ROBO2: variants seen among roughly 807,000 people sequenced by gnomAD.
ROBO2 encodes roundabout homolog 2.
ROBO2 carries 53 observed loss-of-function variants against 160.8 expected under a neutral mutation model. The ratio of observed to expected loss-of-function variants is 0.33; its 90% confidence interval spans 0.26 to 0.41. ROBO2 has a LOEUF of 0.41. ROBO2 is among the 10% of genes least tolerant of loss of function. The pLI, the probability that ROBO2 is intolerant of heterozygous loss-of-function variation, is 1.00. For missense variants in ROBO2, 1,577 were observed against 1,722.4 expected, an observed-to-expected ratio of 0.92 and a Z score of 1.49; for synonymous variants, 664 against 611.7, an observed-to-expected ratio of 1.09 and a Z score of -1.26.
chr3:76,476,380 G>A (rs969065442), intron 2 of ROBO2, among the ~76,000 whole-genome samples: 1 of 151,904 alleles, frequency 6.6e-6, no homozygotes, highest in Non-Finnish European at 1.5e-5. Context: ...TTATGGATCT[G>A]TCCCTGGCAG....
At chr3:77,457,208 A>G (rs1396379614) in intron 2 of ROBO2, among the ~76,000 whole-genome samples, 1 of 152,138 alleles carries the variant, frequency 6.6e-6, no homozygotes, top group African/African-American at 2.4e-5. Flanking sequence ...AGGCATTCAG[A>G]GAGTGGAAGA....
At chr3:76,147,396 A>G (rs2071953856) in intron 2 of ROBO2, among the ~76,000 whole-genome samples, 2 of 151,798 alleles carry the variant, frequency 1.3e-5, no homozygotes, top group Admixed American at 1.3e-4. Context: ...TATTAATTTT[A>G]ATAAGTAAAG....
At chr3:77,275,839 A>G (rs34893557) in intron 2 of ROBO2, among the ~76,000 whole-genome samples, 7,793 of 152,218 alleles carry the variant, frequency 0.051, 226 homozygotes, top group Admixed American at 0.082. Flanking sequence ...TAATTTAGTT[A>G]TAGATGAAAT....
chr3:76,908,076 G>C (rs2075735546), intron 2 of ROBO2, among the ~76,000 whole-genome samples: 1 of 152,078 alleles, frequency 6.6e-6, no homozygotes, highest in Admixed American at 6.5e-5. Flanking sequence ...CTGACCTCAA[G>C]TGATCTGCCC....
At chr3:76,967,047 T>G (rs2059331751) in intron 2 of ROBO2, among the ~76,000 whole-genome samples, 1 of 152,162 alleles carries the variant, frequency 6.6e-6, no homozygotes, top group African/African-American at 2.4e-5. Context: ...CTGGGCATAT[T>G]GTATACAATC....
chr3:76,882,108 G>GTGTT (rs1553676851), intron 2 of ROBO2, among the ~76,000 whole-genome samples: 1,726 of 134,700 alleles, frequency 0.013, 17 homozygotes, highest in African/African-American at 0.04. Context: ...GTGTGTGTGT[G>GTGTT]TGTGTCTGTG....
intron 2 of ROBO2, among the ~76,000 whole-genome samples, chr3:76,307,544 G>A (rs1055343351): frequency 6.7e-6 from 1 of 148,730 alleles, no homozygotes; most frequent in Non-Finnish European, 1.5e-5. Context: ...CCCATTTATA[G>A]ACCTCTGTGC....
At chr3:76,702,555 GAA>G (rs2093068551) in intron 2 of ROBO2, among the ~76,000 whole-genome samples, 1 of 151,540 alleles carries the variant, frequency 6.6e-6, no homozygotes, top group African/African-American at 2.4e-5. Flanking sequence ...AATAGACAGA[GAA>G]AGAGAGAGAA....
chr3:76,376,544 G>T (rs2076353639), intron 2 of ROBO2, among the ~76,000 whole-genome samples: 1 of 152,086 alleles, frequency 6.6e-6, no homozygotes, highest in African/African-American at 2.4e-5. Context: ...AGAATCAGTG[G>T]TGATCCATTA....
intron 2 of ROBO2, among the ~76,000 whole-genome samples, chr3:76,218,064 G>T (rs528108457): frequency 6.6e-6 from 1 of 152,024 alleles, no homozygotes; most frequent in Non-Finnish European, 1.5e-5. Context: ...ACAAAAACCA[G>T]ATGATTATCT....
At position 76,967,511 on chromosome 3, in the gene ROBO2, CTTTTTTTT is replaced by C. The variant is rs59372235; in HGVS notation, c.110-130481_110-130474del. Among the ~76,000 whole-genome samples the C allele has an allele frequency of 2.6e-3, 144 of 55,390 alleles. 1 individual carries two copies. Among genetic ancestry groups the C allele is most frequent in the African/African-American group, 0.012 (133 of 11,532 alleles). The allele number at this position is 55,390 out of a possible 152,430, so 36.3% of individuals were successfully genotyped here. The stretch of plus-strand genomic sequence containing the variant: ...CATAAGCCACCGCACCTGGCCAGCT[CTTTTTTTT>C]TTTTTTTTTTTTTTTTTTTTTAAAC... On this transcript the variant is annotated intron_variant, in intron 2 of 26. Coordinates refer to the ROBO2 transcript ENST00000487694.
intron 2 of ROBO2, among the ~76,000 whole-genome samples, chr3:76,986,088 T>C (rs2060364487): frequency 6.6e-6 from 1 of 152,214 alleles, no homozygotes; most frequent in Non-Finnish European, 1.5e-5. Flanking sequence ...ACTTCATATG[T>C]TATGTGTATT....
At chr3:76,422,940 G>A (rs1281891901) in intron 2 of ROBO2, among the ~76,000 whole-genome samples, 2 of 152,092 alleles carry the variant, frequency 1.3e-5, no homozygotes, top group Non-Finnish European at 2.9e-5. Flanking sequence ...TTTTACTAAA[G>A]ATGCATGATG....
At chr3:77,444,549 A>G (rs1394843227) in intron 2 of ROBO2, among the ~76,000 whole-genome samples, 2 of 152,154 alleles carry the variant, frequency 1.3e-5, no homozygotes, top group Non-Finnish European at 2.9e-5. Context: ...AGTTCAGTTA[A>G]TTGAAACTAA....
rs187831529 is a variant in ROBO2 at position 77,065,796 on chromosome 3, T to C, written c.61+24950T>C. On this transcript the variant is annotated intron_variant, in intron 1 of 25. Coordinates refer to ENST00000461745, the Ensembl canonical transcript of ROBO2. The stretch of plus-strand genomic sequence containing the variant: ...TAGTGCCTCATGCTATTATGGGATA[T>C]ACAAATGACCTTACCACTCTGAGGT... Among the ~76,000 whole-genome samples the C allele has an allele frequency of 1.9e-3, 288 of 152,262 alleles. 12 individuals carry two copies. Among genetic ancestry groups the C allele is most frequent in the Admixed American group, 0.019 (285 of 15,270 alleles).
At chr3:76,265,853 T>C (rs962689690) in intron 2 of ROBO2, among the ~76,000 whole-genome samples, 7 of 152,196 alleles carry the variant, frequency 4.6e-5, no homozygotes, top group Middle Eastern at 3.2e-3. Context: ...CTTTAACTTA[T>C]ATGATTTTCT....
rs151024819 is a variant in ROBO2 at position 76,215,360 on chromosome 3, T to C, written c.109+277758T>C. Among the ~76,000 whole-genome samples, 1,344 of 152,058 alleles carry C rather than the reference T, an allele frequency of 8.8e-3. 11 individuals carry two copies. The highest frequency in any genetic ancestry group is 0.031 in the Middle Eastern group (9 of 292). ...GGAAGGCTTCAGAAGATCAAACTACTCCGATCTAAAGGAGGAAGTTCGAAC... is the reference window on the plus strand; with the variant it reads ...GGAAGGCTTCAGAAGATCAAACTACCCCGATCTAAAGGAGGAAGTTCGAAC... On this transcript the variant is annotated intron_variant, in intron 2 of 26. Coordinates refer to the ROBO2 transcript ENST00000487694.
intron 2 of ROBO2, among the ~76,000 whole-genome samples, chr3:77,322,079 G>T (rs921798049): frequency 2.6e-5 from 4 of 152,148 alleles, no homozygotes; most frequent in Non-Finnish European, 5.9e-5. Context: ...CAAGTCCTAA[G>T]CAGGCACTGT....
intron 2 of ROBO2, among the ~76,000 whole-genome samples, chr3:77,031,228 T>G (rs2063300899): frequency 6.6e-6 from 1 of 152,088 alleles, no homozygotes; most frequent in African/African-American, 2.4e-5. Context: ...GTGGAGGAGT[T>G]CCCAGCTGAT....
Sources: allele counts gnomAD v4.1 joint callset (sites outside exome capture counted in the v4.1 genomes callset), GRCh38; gene constraint gnomAD v4.1.1; transcripts MANE v1.5; gene names NCBI Gene and HGNC (gene_info 2026-07-23, HGNC 2026-07-21).